Variants in CCDC85C observed in about 807,000 individuals in gnomAD.
CCDC85C encodes the protein coiled-coil domain containing 85C.
A neutral mutation model predicts 38.3 loss-of-function variants in CCDC85C; 18 were observed. The ratio of observed to expected loss-of-function variants is 0.47; its 90% CI spans 0.33 to 0.70. The LOEUF (loss-of-function observed/expected upper bound fraction) is 0.70. Among genes scored for constraint, CCDC85C ranks in the 30% least tolerant of loss-of-function variants. The pLI is 0.03. For synonymous variants in CCDC85C, 264 were observed against 293.8 expected (o/e 0.90, Z 1.04); for missense variants, 566 against 621.2 (o/e 0.91, Z 0.94).
chr14:99,573,074 C>G, intron 1 of CCDC85C: 1 of 325,962 alleles, frequency 3.1e-6, no homozygotes, highest in East Asian at 7.5e-5. Flanking sequence ...ACAAGTGAAG[C>G]CTAAGCTGTT....
intron 1 of CCDC85C, among the ~76,000 whole-genome samples, chr14:99,542,507 G>GC (rs777806339): frequency 1.6e-4 from 25 of 152,108 alleles, no homozygotes; most frequent in African/African-American, 5.6e-4. Context: ...AGGTGACCAG[G>GC]CCCCCCCAGT....
chr14:99,604,130 A>C lies in CCDC85C; in HGVS notation c.-171T>G, dbSNP rs2055246806. 5.7e-5 allele frequency: 19 copies of C among 334,960 alleles called. No homozygotes were observed. Among genetic ancestry groups the C allele is most frequent in the Non-Finnish European group, 7.0e-5 (17 of 242,408 alleles). 20.7% of individuals were successfully genotyped at this position (334,960 alleles called of 1,614,324 possible). Reference sequence around the variant, plus strand: ...GCCGCGCCCGCCGGGGCCGCCCGGGAGCCCGCGCGCCTCGGGGTTGACGAG... The same window carrying C: ...GCCGCGCCCGCCGGGGCCGCCCGGGCGCCCGCGCGCCTCGGGGTTGACGAG... On this transcript the variant is annotated 5_prime_UTR_variant, in exon 1 of 6. Transcript: ENST00000380243.
In CCDC85C at chr14:99,516,357, G is replaced by T; in HGVS notation, c.1072-71C>A. ...ACCTCGGGCAAGTCACCTGGCCCCTGATCCTCAGCCTCCCCTGCTGCGAAC... is the reference window on the plus strand; with the variant it reads ...ACCTCGGGCAAGTCACCTGGCCCCTTATCCTCAGCCTCCCCTGCTGCGAAC... On this transcript the variant is annotated intron_variant, in intron 4 of 5. Transcript: ENST00000380243. The surrounding 1 kb of genome is among the most constrained non-coding windows in gnomAD (Gnocchi z 5.5). The T allele has an allele frequency of 8.9e-7, 1 of 1,127,292 alleles. No homozygotes were observed. The highest frequency in any genetic ancestry group is 1.3e-6 in the Non-Finnish European group (1 of 765,292). 69.8% of individuals were successfully genotyped at this position (1,127,292 alleles called of 1,614,324 possible). A position where few individuals can be genotyped will look rare whatever the true frequency, so the allele number is the denominator to read the frequency against.
chr14:99,564,110 G>A (rs944250088), intron 1 of CCDC85C, among the ~76,000 whole-genome samples: 2 of 152,216 alleles, frequency 1.3e-5, no homozygotes, highest in Admixed American at 6.5e-5. Flanking sequence ...ACCAGATTAC[G>A]CTCCATAGAG....
intron 1 of CCDC85C, among the ~76,000 whole-genome samples, chr14:99,578,681 T>C (rs1378253067): frequency 1.3e-5 from 2 of 152,242 alleles, no homozygotes; most frequent in East Asian, 1.9e-4. Context: ...TGACCTTTAG[T>C]TGAATGCTCA....
rs980536659 is a variant in CCDC85C at position 99,507,296 on chromosome 14, G to T, written c.*7950C>A. The T allele has an allele frequency of 3.8e-5, 26 of 689,802 alleles. No homozygotes were observed. The highest frequency in any genetic ancestry group is 5.8e-5 in the Non-Finnish European group (22 of 379,818). The allele number at this position is 689,802 out of a possible 1,614,324, so 42.7% of individuals were successfully genotyped here. ...GGAATCTTTGCAAAATTGTTCTTGGGCTGGGCACAATGGCTTGTGTTTTTG... is the reference window on the plus strand; with the variant it reads ...GGAATCTTTGCAAAATTGTTCTTGGTCTGGGCACAATGGCTTGTGTTTTTG... On this transcript the variant is annotated 3_prime_UTR_variant, in exon 6 of 6. Transcript: ENST00000380243.
intron 1 of CCDC85C, among the ~76,000 whole-genome samples, chr14:99,596,119 CTG>C (rs1323308117): frequency 6.6e-6 from 1 of 152,242 alleles, no homozygotes; most frequent in Non-Finnish European, 1.5e-5. Context: ...CCTTAGGACT[CTG>C]TGAAGTTTGC....
intron 1 of CCDC85C, among the ~76,000 whole-genome samples, chr14:99,568,245 CCTTT>C (rs1898258026): frequency 1.3e-5 from 1 of 74,530 alleles, no homozygotes; most frequent in Admixed American, 1.4e-4. Context: ...GGCCACCTGC[CCTTT>C]ATTTTTTTTT....
chr14:99,555,414 C>T (rs1897992251), intron 1 of CCDC85C, among the ~76,000 whole-genome samples: 1 of 152,222 alleles, frequency 6.6e-6, no homozygotes, highest in Admixed American at 6.5e-5. Flanking sequence ...AACACGTGCC[C>T]TGGCCCTGCC....
chr14:99,547,706 G>A (rs1020573478), intron 1 of CCDC85C, among the ~76,000 whole-genome samples: 4 of 151,874 alleles, frequency 2.6e-5, no homozygotes, highest in Non-Finnish European at 2.9e-5. Context: ...CTCAGGAGGC[G>A]GAGGTTGTAG....
At chr14:99,594,059 C>T (rs1016713781) in intron 1 of CCDC85C, among the ~76,000 whole-genome samples, 2 of 151,946 alleles carry the variant, frequency 1.3e-5, no homozygotes, top group Admixed American at 6.6e-5. Context: ...TTATTTAACT[C>T]GGTGCCAAGT....
chr14:99,530,905 C>A (rs916280889), intron 2 of CCDC85C, among the ~76,000 whole-genome samples: 6 of 152,230 alleles, frequency 3.9e-5, no homozygotes, highest in Non-Finnish European at 8.8e-5. Flanking sequence ...GCCAGCCCTG[C>A]TGATGCCTTG....
chr14:99,515,664 T>C (rs1035362032), intron 5 of CCDC85C, among the ~76,000 whole-genome samples: 1 of 152,068 alleles, frequency 6.6e-6, no homozygotes, highest in Non-Finnish European at 1.5e-5. Flanking sequence ...TCAGACCCTA[T>C]GAAACTCCTT....
At chr14:99,583,202 T>A (rs1262139181) in intron 1 of CCDC85C, 2 of 152,228 alleles carry the variant, frequency 1.3e-5, no homozygotes, top group African/African-American at 4.8e-5. Flanking sequence ...AAACAAAGTT[T>A]ATTTTTAAAA....
intron 2 of CCDC85C, among the ~76,000 whole-genome samples, chr14:99,532,034 A>G (rs1482219306): frequency 2.0e-5 from 3 of 152,182 alleles, no homozygotes; most frequent in Non-Finnish European, 2.9e-5. Flanking sequence ...GCTCCCCAAG[A>G]CACATCCACC....
At chr14:99,517,474 A>C (rs1897245665) in intron 3 of CCDC85C, among the ~76,000 whole-genome samples, 1 of 152,168 alleles carries the variant, frequency 6.6e-6, no homozygotes, top group African/African-American at 2.4e-5. Context: ...ACAACACCCC[A>C]CAGATAAGAC....
chr14:99,591,762 T>G (rs1595106682), intron 1 of CCDC85C, among the ~76,000 whole-genome samples: 2 of 141,120 alleles, frequency 1.4e-5, no homozygotes, highest in African/African-American at 2.7e-5. Context: ...GGAAATGGAG[T>G]CTCACTCTGT....
chr14:99,567,626 A>C (rs1016014890), intron 1 of CCDC85C, among the ~76,000 whole-genome samples: 3 of 152,170 alleles, frequency 2.0e-5, no homozygotes, highest in Non-Finnish European at 4.4e-5. Context: ...GGAGTTCAAG[A>C]CCAGCCTGAC....
chr14:99,551,057 C>A (rs1897897454), intron 1 of CCDC85C, among the ~76,000 whole-genome samples: 1 of 152,272 alleles, frequency 6.6e-6, no homozygotes, highest in Non-Finnish European at 1.5e-5. Flanking sequence ...ATAGCCTCTT[C>A]TCTATTCTAA....
Sources: allele counts gnomAD v4.1 joint callset (sites outside exome capture counted in the v4.1 genomes callset), GRCh38; gene constraint gnomAD v4.1.1; non-coding constraint Gnocchi (gnomAD v3.1); transcripts MANE v1.5; gene names NCBI Gene and HGNC (gene_info 2026-07-23, HGNC 2026-07-21).